Variants in UBE2E1 observed in about 807,000 individuals in gnomAD.
UBE2E1 encodes ubiquitin conjugating enzyme E2 E1, also known as ubiquitin-conjugating enzyme E2 E1.
Under a neutral mutation model 21.4 loss-of-function variants are expected in UBE2E1, and 6 were observed. The observed-to-expected ratio is 0.28, with a 90% confidence interval of 0.15 to 0.55. UBE2E1 has a LOEUF of 0.55. UBE2E1 is among the 20% of genes least tolerant of loss of function. The pLI is 0.93. For synonymous variants in UBE2E1, 87 were observed against 82.7 expected (o/e 1.05, Z -0.28); for missense variants, 142 against 236.5 (o/e 0.60, Z 2.62).
intron 3 of UBE2E1, among the ~76,000 whole-genome samples, chr3:23,884,396 T>C (rs72627053): frequency 6.6e-6 from 1 of 152,144 alleles, no homozygotes; most frequent in African/African-American, 2.4e-5. Flanking sequence ...TAAAGGTCAT[T>C]GTTGTGGGTG....
chr3:23,807,686 C>A, intron 2 of UBE2E1: 1 of 319,444 alleles, frequency 3.1e-6, no homozygotes, highest in South Asian at 7.9e-5. Context: ...ATTAGTGACC[C>A]CCAAATCTGA....
At chr3:23,845,339 A>G (rs1443580101) in intron 3 of UBE2E1, among the ~76,000 whole-genome samples, 3 of 152,192 alleles carry the variant, frequency 2.0e-5, no homozygotes, top group Non-Finnish European at 2.9e-5. Flanking sequence ...CTATGCACAT[A>G]TATACTCTCT....
At chr3:23,869,684 G>GGT (rs1462620312) in intron 3 of UBE2E1, among the ~76,000 whole-genome samples, 27 of 146,618 alleles carry the variant, frequency 1.8e-4, no homozygotes, top group Non-Finnish European at 1.2e-4. Context: ...TGAGCTCAGG[G>GGT]GTTCGAGACC....
In UBE2E1 at chr3:23,863,762, T is replaced by C. The variant is rs1282120432; in HGVS notation, c.204-23805T>C. 2.0e-5 allele frequency among the ~76,000 whole-genome samples: 3 copies of C among 152,132 alleles called. No homozygotes were observed. The highest frequency in any genetic ancestry group is 7.2e-5 in the African/African-American group (3 of 41,418). On this transcript the variant is annotated intron_variant, in intron 3 of 5. Transcript: ENST00000306627. The surrounding 1 kb of genome is among the most constrained non-coding windows in gnomAD (Gnocchi z 4.3). Reference sequence around the variant, plus strand: ...TCAGGCTGGTCTCAAACTCCCGATCTCAGGTCATCCACCCACCTCAGCCTC... The same window carrying C: ...TCAGGCTGGTCTCAAACTCCCGATCCCAGGTCATCCACCCACCTCAGCCTC...
rs1701390092 is a variant in UBE2E1 at position 23,890,676 on chromosome 3, C to A, written c.*70C>A. On this transcript the variant is annotated 3_prime_UTR_variant, in exon 6 of 6. Transcript: ENST00000306627. ...GAGCTGCTTATGATTTTGAAGGGGT[C>A]AGGGAGGGTGGGAGTTGGTAAAGAG... 5.4e-5 allele frequency: 62 copies of A among 1,144,466 alleles called. No homozygotes were observed. Among genetic ancestry groups the A allele is most frequent in the Non-Finnish European group, 7.1e-5 (56 of 787,194 alleles). 70.9% of individuals were successfully genotyped at this position (1,144,466 alleles called of 1,614,324 possible).
At chr3:23,845,621 G>A (rs1042107844) in intron 3 of UBE2E1, among the ~76,000 whole-genome samples, 2 of 151,262 alleles carry the variant, frequency 1.3e-5, no homozygotes, top group African/African-American at 2.4e-5. Context: ...GTGTGTATGT[G>A]TGTGTATGTA....
chr3:23,817,825 A>G (rs1575804291), intron 3 of UBE2E1, among the ~76,000 whole-genome samples: 1 of 152,228 alleles, frequency 6.6e-6, no homozygotes, highest in African/African-American at 2.4e-5. Context: ...ATAGTAATAG[A>G]TAAAGCTTGT....
Position 23,881,509 on chromosome 3 carries a change from GTTTT to G in UBE2E1, c.204-6054_204-6051del, listed in dbSNP as rs201294759. On this transcript the variant is annotated intron_variant, in intron 3 of 5. Transcript: ENST00000306627. ...AATGTCTTCAAACACGGATAAGTGG[GTTTT>G]TTTAAAAAGGCACAGTCTTATACTT... Among the ~76,000 whole-genome samples the G allele has an allele frequency of 3.3e-5, 5 of 152,164 alleles. No homozygotes were observed. The South Asian group carries it at 8.3e-4, about 25-fold the overall frequency.
chr3:23,877,144 G>A (rs978710262), intron 3 of UBE2E1, among the ~76,000 whole-genome samples: 6 of 152,200 alleles, frequency 3.9e-5, no homozygotes, highest in African/African-American at 1.4e-4. Flanking sequence ...GGTGGAGTCT[G>A]ATGTCTGCAT....
At chr3:23,873,758 T>C (rs1427406012) in intron 3 of UBE2E1, among the ~76,000 whole-genome samples, 1 of 151,840 alleles carries the variant, frequency 6.6e-6, no homozygotes, top group Non-Finnish European at 1.5e-5. Flanking sequence ...GAAAAAAAAA[T>C]AAGAGACCGG....
At chr3:23,861,167 G>A (rs1229793477) in intron 3 of UBE2E1, among the ~76,000 whole-genome samples, 1 of 152,168 alleles carries the variant, frequency 6.6e-6, no homozygotes, top group East Asian at 1.9e-4. Context: ...GTGGTTTATT[G>A]ATAACTCTTT....
intron 3 of UBE2E1, among the ~76,000 whole-genome samples, chr3:23,883,929 A>C (rs1701115045): frequency 6.8e-6 from 1 of 146,032 alleles, no homozygotes; most frequent in South Asian, 2.2e-4. Flanking sequence ...AAAAAGTTTG[A>C]TATTCAGGTA....
At chr3:23,867,704 T>TA (rs1700688176) in intron 3 of UBE2E1, among the ~76,000 whole-genome samples, 1 of 152,162 alleles carries the variant, frequency 6.6e-6, no homozygotes. Context: ...TGTAGTCTCT[T>TA]AGAGATTCAG....
chr3:23,867,796 G>C (rs1429936272), intron 3 of UBE2E1, among the ~76,000 whole-genome samples: 1 of 152,202 alleles, frequency 6.6e-6, no homozygotes, highest in Non-Finnish European at 1.5e-5. Flanking sequence ...GGAGGGAGCA[G>C]AGAAGGCAGA....
Position 23,836,586 on chromosome 3 carries a change from G to A in UBE2E1, c.203+25076G>A, listed in dbSNP as rs1575819249. 6.6e-6 allele frequency among the ~76,000 whole-genome samples: 1 copy of A among 152,328 alleles called. No homozygotes were observed. Among genetic ancestry groups the A allele is most frequent in the Non-Finnish European group, 1.5e-5 (1 of 68,026 alleles). ...AGAGTGACATTGGCTTTTCTTGGAAGTTTTAGAGCTGAAAGGGAACTTAGA... is the reference window on the plus strand; with the variant it reads ...AGAGTGACATTGGCTTTTCTTGGAAATTTTAGAGCTGAAAGGGAACTTAGA... On this transcript the variant is annotated intron_variant, in intron 3 of 5. Coordinates refer to ENST00000306627, the MANE Select transcript of UBE2E1 (RefSeq NM_003341.5). This position sits in a 1 kb window ranked among gnomAD's most constrained non-coding sequence, Gnocchi z 4.1.
At chr3:23,827,270 A>G (rs1011773822) in intron 3 of UBE2E1, among the ~76,000 whole-genome samples, 4 of 152,260 alleles carry the variant, frequency 2.6e-5, no homozygotes, top group Admixed American at 2.0e-4. Context: ...ATGCATGAAT[A>G]TATCCAGTAT....
At position 23,842,198 on chromosome 3, in the gene UBE2E1, G is replaced by GTGTGTGTGT. The variant is rs1553637705; in HGVS notation, c.203+30688_203+30689insTGTGTGTGT. ...TATGTCATGACCCAGTAAGTGAAGG[G>GTGTGTGTGT]GTGTGTGTGTGTGTGTGTGTGTGTG... On this transcript the variant is annotated intron_variant, in intron 3 of 5. Transcript: ENST00000306627. The surrounding 1 kb of genome is among the most constrained non-coding windows in gnomAD (Gnocchi z 4.6). Among the ~76,000 whole-genome samples the GTGTGTGTGT allele has an allele frequency of 0.027, 2,851 of 104,346 alleles. 163 individuals are homozygous for GTGTGTGTGT. The highest frequency in any genetic ancestry group is 0.04 in the Middle Eastern group (7 of 174). The allele number at this position is 104,346 out of a possible 152,430, so 68.5% of individuals were successfully genotyped here.
intron 3 of UBE2E1, chr3:23,879,091 G>A (rs963224621): frequency 8.0e-6 from 4 of 500,272 alleles, no homozygotes; most frequent in Admixed American, 2.3e-5. Flanking sequence ...ATGAGTTCCT[G>A]AAGTCTTGCT....
chr3:23,890,688 G>C lies in UBE2E1; in HGVS notation c.*82G>C. On this transcript the variant is annotated 3_prime_UTR_variant, in exon 6 of 6. Coordinates refer to ENST00000306627, the MANE Select transcript of UBE2E1 (RefSeq NM_003341.5). ...ATTTTGAAGGGGTCAGGGAGGGTGG[G>C]AGTTGGTAAAGAGTAGGGTATTTCT... is the stretch of plus-strand genomic sequence containing the variant. 1 of 1,089,208 alleles carries C rather than the reference G, an allele frequency of 9.2e-7. No homozygotes were observed. The highest frequency in any genetic ancestry group is 1.3e-6 in the Non-Finnish European group (1 of 755,536). The allele number at this position is 1,089,208 out of a possible 1,614,324, so 67.5% of individuals were successfully genotyped here. A position where few individuals can be genotyped will look rare whatever the true frequency, so the allele number is the denominator to read the frequency against.
Sources: gnomAD v4.1 joint callset for allele counts (sites outside exome capture counted in the v4.1 genomes callset) on GRCh38, gnomAD v4.1.1 for gene constraint, Gnocchi (gnomAD v3.1) non-coding constraint, MANE v1.5 for transcripts, NCBI Gene and HGNC (gene_info 2026-07-23, HGNC 2026-07-21) for gene names.